NEK11: variants seen among roughly 807,000 people sequenced by gnomAD.
NEK11 encodes NIMA related kinase 11, also known as serine/threonine-protein kinase Nek11.
Under a neutral mutation model 80.7 loss-of-function variants are expected in NEK11, and 72 were observed. The ratio of observed to expected loss-of-function variants is 0.89; its 90% confidence interval spans 0.74 to 1.08. NEK11 has a LOEUF of 1.08. Ranked by LOEUF, NEK11 falls within the 50% of genes least tolerant of loss-of-function variation. NEK11 has a pLI of 0.00. For missense variants in NEK11, 764 were observed against 763.6 expected, an observed-to-expected ratio of 1.00 and a Z score of -0.01; for synonymous variants, 251 against 260.7, an observed-to-expected ratio of 0.96 and a Z score of 0.36.
intron 7 of NEK11, among the ~76,000 whole-genome samples, chr3:131,143,528 T>A (rs1287999741): frequency 6.6e-6 from 1 of 152,050 alleles, no homozygotes; most frequent in Non-Finnish European, 1.5e-5. Flanking sequence ...CTGTAGCTGC[T>A]CTGTTTTCAT....
At chr3:131,203,767 G>GTATA (rs150951735) in intron 14 of NEK11, among the ~76,000 whole-genome samples, 31 of 54,166 alleles carry the variant, frequency 5.7e-4, no homozygotes, top group East Asian at 1.7e-3. Flanking sequence ...GTGTGTGTGT[G>GTATA]TATATATATA....
At chr3:131,213,191 C>CCACACACACACACACACA (rs3050805) in intron 14 of NEK11, among the ~76,000 whole-genome samples, 2 of 149,104 alleles carry the variant, frequency 1.3e-5, no homozygotes, top group Admixed American at 1.3e-4. Flanking sequence ...CCACCCATCT[C>CCACACACACACACACACA]CACACACACA....
intron 16 of NEK11, among the ~76,000 whole-genome samples, chr3:131,253,022 G>A (rs2108315489): frequency 6.6e-6 from 1 of 152,194 alleles, no homozygotes; most frequent in East Asian, 1.9e-4. Context: ...CTGGCACTGT[G>A]CATAAGAGTT....
chr3:131,087,183 CG>C (rs2076091709), intron 4 of NEK11, among the ~76,000 whole-genome samples: 1 of 150,080 alleles, frequency 6.7e-6, no homozygotes, highest in Non-Finnish European at 1.5e-5. Context: ...GAGATTTTGT[CG>C]TGCAGCCTTT....
chr3:131,190,170 A>G (rs2093738881), intron 14 of NEK11, among the ~76,000 whole-genome samples: 1 of 152,212 alleles, frequency 6.6e-6, no homozygotes, highest in African/African-American at 2.4e-5. Flanking sequence ...AAAATTCTTT[A>G]GCAGCAAATG....
chr3:131,032,311 C>T (rs1469366476), intron 3 of NEK11, among the ~76,000 whole-genome samples: 1 of 152,104 alleles, frequency 6.6e-6, no homozygotes, highest in African/African-American at 2.4e-5. Context: ...AGCATTTCAT[C>T]TTTTCTAGAA....
intron 3 of NEK11, among the ~76,000 whole-genome samples, chr3:131,034,431 G>A (rs368583667): frequency 2.6e-5 from 4 of 151,380 alleles, no homozygotes; most frequent in African/African-American, 7.3e-5. Context: ...TCGGAGTCTC[G>A]ATTTGTCACC....
intron 5 of NEK11, among the ~76,000 whole-genome samples, chr3:131,129,368 T>C (rs2083997795): frequency 6.6e-6 from 1 of 152,192 alleles, no homozygotes; most frequent in South Asian, 2.1e-4. Context: ...GTCTATCAGA[T>C]ACGTCTTTTG....
chr3:131,176,238 A>G (rs2093009006), intron 14 of NEK11, among the ~76,000 whole-genome samples: 1 of 152,202 alleles, frequency 6.6e-6, no homozygotes, highest in Non-Finnish European at 1.5e-5. Context: ...TGCCCAGCCC[A>G]AGATGGAGAA....
intron 3 of NEK11, among the ~76,000 whole-genome samples, chr3:131,042,398 C>T (rs1223849068): frequency 1.3e-5 from 2 of 152,146 alleles, no homozygotes; most frequent in Non-Finnish European, 1.5e-5. Context: ...AGTCTGAGGT[C>T]GACCTGGGAT....
chr3:131,267,087 C>A (rs1399198745), intron 16 of NEK11, among the ~76,000 whole-genome samples: 1 of 152,182 alleles, frequency 6.6e-6, no homozygotes, highest in Non-Finnish European at 1.5e-5. Context: ...TGTGTCTCTG[C>A]ATGTGAGATG....
In NEK11 at chr3:131,129,793, A is replaced by G. The variant is rs150315223; in HGVS notation, c.456-2952A>G. Among the ~76,000 whole-genome samples the G allele has an allele frequency of 7.8e-3, 1,192 of 152,080 alleles. 14 individuals carry two copies. Among genetic ancestry groups the G allele is most frequent in the Middle Eastern group, 0.024 (7 of 294 alleles). ...ATTTCTGGGCTCTCTATTCTGTTTT[A>G]TTGATTTTTTTTCTCTCCAATACTG... On this transcript the variant is annotated intron_variant, in intron 5 of 17. Coordinates refer to ENST00000383366, the MANE Select transcript of NEK11 (RefSeq NM_024800.5).
intron 17 of NEK11, among the ~76,000 whole-genome samples, chr3:131,338,118 C>T (rs967300586): frequency 4.6e-5 from 7 of 151,980 alleles, no homozygotes; most frequent in Admixed American, 6.6e-5. Flanking sequence ...AGGCACACGC[C>T]GCCATGCCCG....
intron 14 of NEK11, chr3:131,184,814 GCAT>G (rs1340161913): frequency 1.4e-4 from 95 of 687,988 alleles, no homozygotes; most frequent in Admixed American, 8.4e-4. Flanking sequence ...CCTAGCTGTT[GCAT>G]CTTTCTTTAT....
chr3:131,329,292 T>C (rs2097030061), intron 17 of NEK11: 1 of 152,176 alleles, frequency 6.6e-6, no homozygotes, highest in Non-Finnish European at 1.5e-5. Context: ...GGCTATAACT[T>C]TACTATGTGC....
At chr3:131,082,307 C>T (rs1313842929) in intron 4 of NEK11, among the ~76,000 whole-genome samples, 1 of 152,208 alleles carries the variant, frequency 6.6e-6, no homozygotes, top group African/African-American at 2.4e-5. Flanking sequence ...TCTTTAGCCT[C>T]CTTCAGTTAA....
chr3:131,208,949 C>T (rs943389424), intron 14 of NEK11, among the ~76,000 whole-genome samples: 2 of 152,052 alleles, frequency 1.3e-5, no homozygotes, highest in Non-Finnish European at 2.9e-5. Flanking sequence ...AATTGAATAC[C>T]CTTTATTTCT....
intron 16 of NEK11, among the ~76,000 whole-genome samples, chr3:131,261,292 T>A (rs1227130157): frequency 6.6e-6 from 1 of 152,214 alleles, no homozygotes; most frequent in Non-Finnish European, 1.5e-5. Context: ...CATCTCATTG[T>A]CAAAACATCC....
At chr3:131,316,207 C>G (rs951876044) in intron 17 of NEK11, among the ~76,000 whole-genome samples, 2 of 152,178 alleles carry the variant, frequency 1.3e-5, no homozygotes, top group Non-Finnish European at 2.9e-5. Flanking sequence ...CAAATAAAAG[C>G]ATGAATCAAG....
Sources: allele counts gnomAD v4.1 joint callset (sites outside exome capture counted in the v4.1 genomes callset), GRCh38; gene constraint gnomAD v4.1.1; transcripts MANE v1.5; gene names NCBI Gene and HGNC (gene_info 2026-07-23, HGNC 2026-07-21).